POU2AF2: variants seen among roughly 807,000 people sequenced by gnomAD.
The protein encoded by POU2AF2 is POU class 2 homeobox associating factor 2, also known as POU domain class 2-associating factor 2.
At chr11:111,259,738 A>C in the POU2AF2 span, among the ~76,000 whole-genome samples, 1 of 152,228 alleles carries the variant, frequency 6.6e-6, no homozygotes, top group Non-Finnish European at 1.5e-5. Flanking sequence ...AGAACAAAAA[A>C]AGTACGCACC....
the POU2AF2 span, among the ~76,000 whole-genome samples, chr11:111,261,161 T>C: frequency 1.3e-5 from 2 of 152,298 alleles, no homozygotes; most frequent in East Asian, 3.9e-4. Context: ...ATGGTTTTTC[T>C]TTTTTCTTTC....
chr11:111,279,154 C>A, the POU2AF2 span, among the ~76,000 whole-genome samples: 1 of 152,274 alleles, frequency 6.6e-6, no homozygotes, highest in East Asian at 1.9e-4. Context: ...ACTCTACACG[C>A]CTAGATACTC....
At chr11:111,276,453 A>AAAATATATAT in the POU2AF2 span, among the ~76,000 whole-genome samples, 129 of 37,524 alleles carry the variant, frequency 3.4e-3, 1 homozygote, top group Middle Eastern at 0.014. Context: ...AAAAAAAAAA[A>AAAATATATAT]ATATATATAT....
the POU2AF2 span, among the ~76,000 whole-genome samples, chr11:111,276,453 A>T: frequency 0.027 from 991 of 37,298 alleles, 47 homozygotes; most frequent in African/African-American, 0.087. Flanking sequence ...AAAAAAAAAA[A>T]ATATATATAT....
chr11:111,282,060 T>C, the POU2AF2 span, among the ~76,000 whole-genome samples: 1 of 152,092 alleles, frequency 6.6e-6, no homozygotes, highest in East Asian at 1.9e-4. Flanking sequence ...TTCCCAATCA[T>C]ATATAGTGCC....
At chr11:111,274,519 A>G in the POU2AF2 span, among the ~76,000 whole-genome samples, 2 of 151,790 alleles carry the variant, frequency 1.3e-5, no homozygotes, top group East Asian at 3.9e-4. Context: ...CAAAAGTAGA[A>G]TGTCACTCAA....
chr11:111,280,457 A>C, the POU2AF2 span, among the ~76,000 whole-genome samples: 3 of 152,168 alleles, frequency 2.0e-5, no homozygotes, highest in African/African-American at 7.2e-5. Flanking sequence ...AGAAATAAAC[A>C]ATTTCTAGAT....
chr11:111,281,183 T>A, the POU2AF2 span, among the ~76,000 whole-genome samples: 1 of 152,204 alleles, frequency 6.6e-6, no homozygotes, highest in African/African-American at 2.4e-5. Context: ...TCTGGCATGT[T>A]TATCAAAATG....
the POU2AF2 span, among the ~76,000 whole-genome samples, chr11:111,277,069 G>A: frequency 1.3e-5 from 2 of 152,128 alleles, no homozygotes; most frequent in Admixed American, 1.3e-4. Context: ...CAAAAAACAA[G>A]CTAAAAGAAA....
At chr11:111,286,299 G>T in the POU2AF2 span, 1 of 458,220 alleles carries the variant, frequency 2.2e-6, no homozygotes, top group Non-Finnish European at 3.8e-6. Flanking sequence ...TGGTCTTTTT[G>T]GAACTGTTGT....
At chr11:111,267,183 A>G in the POU2AF2 span, among the ~76,000 whole-genome samples, 1 of 152,208 alleles carries the variant, frequency 6.6e-6, no homozygotes, top group Non-Finnish European at 1.5e-5. Context: ...CAATTTCCTT[A>G]TAGAATTTAT....
At chr11:111,284,228 G>T in the POU2AF2 span, 3 of 1,614,134 alleles carry the variant, frequency 1.9e-6, no homozygotes, top group Non-Finnish European at 1.7e-6. Context: ...GAGCCATGCG[G>T]CTCTCCTGGA....
chr11:111,276,857 T>C, the POU2AF2 span, among the ~76,000 whole-genome samples: 1 of 151,592 alleles, frequency 6.6e-6, no homozygotes, highest in African/African-American at 2.4e-5. Flanking sequence ...ATTGAAAGAG[T>C]TTACTGTCAA....
chr11:111,284,286 T>TGACGCC, the POU2AF2 span: 1 of 1,613,784 alleles, frequency 6.2e-7, no homozygotes, highest in Non-Finnish European at 8.5e-7. Flanking sequence ...CCTCCGGCGC[T>TGACGCC]GACGCCCAAC....
chr11:111,281,318 G>A, the POU2AF2 span: 1 of 1,212,644 alleles, frequency 8.2e-7, no homozygotes, highest in Non-Finnish European at 1.2e-6. Context: ...ATAAAACCAA[G>A]CTTATAAGGT....
the POU2AF2 span, among the ~76,000 whole-genome samples, chr11:111,276,449 A>AT: frequency 2.6e-3 from 130 of 49,688 alleles, no homozygotes; most frequent in African/African-American, 8.7e-3. Context: ...GAAAAAAAAA[A>AT]AAAAATATAT....
At chr11:111,269,699 C>G in the POU2AF2 span, among the ~76,000 whole-genome samples, 6 of 152,082 alleles carry the variant, frequency 3.9e-5, no homozygotes, top group African/African-American at 9.7e-5. Context: ...TCTAACTTAG[C>G]TACATAAATA....
the POU2AF2 span, chr11:111,285,989 T>C: frequency 1.2e-6 from 2 of 1,613,880 alleles, no homozygotes; most frequent in African/African-American, 1.3e-5. Context: ...CCATGACCCT[T>C]CCCCTTGGGT....
At chr11:111,284,381 A>G in the POU2AF2 span, 1 of 1,591,914 alleles carries the variant, frequency 6.3e-7, no homozygotes, top group Non-Finnish European at 8.6e-7. Context: ...CCTATTTGTG[A>G]GTATGCAGAG....
Sources: gnomAD v4.1 joint callset for allele counts (sites outside exome capture counted in the v4.1 genomes callset) on GRCh38, gnomAD v4.1.1 for gene constraint, MANE v1.5 for transcripts, NCBI Gene and HGNC (gene_info 2026-07-23, HGNC 2026-07-21) for gene names.